PAK3: variants seen among roughly 807,000 people sequenced by gnomAD.
PAK3 encodes the protein p21 (RAC1) activated kinase 3.
PAK3 carries 4 observed loss-of-function variants against 41.0 expected under a neutral mutation model. That is an observed-to-expected ratio of 0.10 (90% CI 0.05 to 0.22). PAK3 has a LOEUF of 0.22. Among genes scored for constraint, PAK3 ranks in the 10% least tolerant of loss-of-function variants. The probability of loss-of-function intolerance (pLI) is 1.00; values close to 1 mark genes in which losing one functional copy is unlikely to be tolerated. For synonymous variants in PAK3, 146 were observed against 139.6 expected (o/e 1.05, Z -0.32); for missense variants, 205 against 409.9 (o/e 0.50, Z 4.32).
chrX:111,075,136 A>T (rs980083459), intron 1 of PAK3, among the ~76,000 whole-genome samples: 1 of 112,805 alleles, frequency 8.9e-6, no homozygotes, highest in Non-Finnish European at 1.9e-5. Flanking sequence ...TGTCACAAAG[A>T]AGGAAAAGGT....
chrX:110,949,477 C>T (rs909494745), intron 1 of PAK3, among the ~76,000 whole-genome samples: 1 of 111,761 alleles, frequency 8.9e-6, no homozygotes, highest in Non-Finnish European at 1.9e-5. Flanking sequence ...TACTGATGCA[C>T]TCCCCAGAGA....
intron 1 of PAK3, among the ~76,000 whole-genome samples, chrX:111,023,654 A>AT (rs2092226608): frequency 1.8e-5 from 2 of 111,982 alleles, no homozygotes; most frequent in African/African-American, 6.5e-5. Context: ...GATGATGAGC[A>AT]TTTTTTCATA....
intron 1 of PAK3, among the ~76,000 whole-genome samples, chrX:111,063,820 GAAAA>G (rs142033510): frequency 2.2e-5 from 2 of 89,165 alleles, no homozygotes; most frequent in Non-Finnish European, 4.4e-5. Flanking sequence ...AGACTGTCTC[GAAAA>G]AAAAAAAAAA....
chrX:111,082,489 T>C lies in PAK3; in HGVS notation c.-27-40588T>C, dbSNP rs193081663. Among the ~76,000 whole-genome samples the C allele has an allele frequency of 6.9e-3, 769 of 111,646 alleles. 3 individuals carry two copies. The highest frequency in any genetic ancestry group is 0.012 in the Non-Finnish European group (615 of 53,113). ...GCTTCATGTAGACACCAAGTGGGTC[T>C]TGGAAAGTTTCTCATTATAAAGAAG... On this transcript the variant is annotated intron_variant, in intron 1 of 14. Transcript: ENST00000425146.
chrX:110,997,436 T>C (rs1226206081), intron 1 of PAK3, among the ~76,000 whole-genome samples: 1 of 111,445 alleles, frequency 9.0e-6, no homozygotes, highest in African/African-American at 3.3e-5. Context: ...AGAAGGATGA[T>C]AGAAATGGCA....
intron 1 of PAK3, among the ~76,000 whole-genome samples, chrX:111,043,008 G>A: frequency 8.9e-6 from 1 of 111,816 alleles, no homozygotes; most frequent in Non-Finnish European, 1.9e-5. Context: ...AAAGCTGAAG[G>A]CCAGGGGTGG....
At chrX:111,209,564 T>G (rs1044678776) in intron 16 of PAK3, among the ~76,000 whole-genome samples, 3 of 111,970 alleles carry the variant, frequency 2.7e-5, no homozygotes, top group South Asian at 3.7e-4. Context: ...ATCATATGAT[T>G]TCCATGGTAA....
At chrX:111,018,697 T>C (rs906339379) in intron 1 of PAK3, among the ~76,000 whole-genome samples, 2 of 111,776 alleles carry the variant, frequency 1.8e-5, no homozygotes, top group African/African-American at 6.5e-5. Context: ...AGTGCAATCC[T>C]TATCAAAACC....
At chrX:111,043,186 C>T (rs962442957) in intron 1 of PAK3, among the ~76,000 whole-genome samples, 1 of 109,556 alleles carries the variant, frequency 9.1e-6, no homozygotes, top group Non-Finnish European at 1.9e-5. Flanking sequence ...CCAAGCCATT[C>T]AGGCAGCTGA....
chrX:111,080,706 T>C (rs1387952734), intron 1 of PAK3, among the ~76,000 whole-genome samples: 1 of 111,706 alleles, frequency 9.0e-6, no homozygotes, highest in Non-Finnish European at 1.9e-5. Flanking sequence ...ATAGAACCAC[T>C]ATATGATCCA....
At chrX:111,180,170 A>G (rs972034830) in intron 11 of PAK3, among the ~76,000 whole-genome samples, 1 of 111,797 alleles carries the variant, frequency 8.9e-6, no homozygotes, top group Non-Finnish European at 1.9e-5. Flanking sequence ...AATTTTATTA[A>G]GTATCTTTAT....
At chrX:111,117,953 G>T (rs1187836189) in intron 4 of PAK3, among the ~76,000 whole-genome samples, 2 of 111,094 alleles carry the variant, frequency 1.8e-5, no homozygotes, top group Non-Finnish European at 3.8e-5. Flanking sequence ...ACCTAGTTTG[G>T]GAATGGTAGT....
chrX:111,188,344 T>G (rs1462739905), intron 11 of PAK3, among the ~76,000 whole-genome samples: 1 of 110,075 alleles, frequency 9.1e-6, no homozygotes, highest in Non-Finnish European at 1.9e-5. Context: ...ACAGAGGTGT[T>G]GAATAACAGA....
chrX:111,054,117 G>A (rs2092584100), intron 1 of PAK3, among the ~76,000 whole-genome samples: 1 of 111,923 alleles, frequency 8.9e-6, no homozygotes, highest in Non-Finnish European at 1.9e-5. Flanking sequence ...TCTGCATGTT[G>A]TGTCCATCCC....
chrX:110,959,213 A>G (rs1042266438), intron 1 of PAK3, among the ~76,000 whole-genome samples: 6 of 111,750 alleles, frequency 5.4e-5, no homozygotes, highest in African/African-American at 2.0e-4. Context: ...TTGTTTAGGC[A>G]GTTAGTTTTA....
chrX:111,182,044 TC>T (rs1163839633), intron 11 of PAK3, among the ~76,000 whole-genome samples: 1 of 111,810 alleles, frequency 8.9e-6, no homozygotes, highest in Admixed American at 9.5e-5. Context: ...TTGTGTGCTG[TC>T]CCTTGTAAAG....
At chrX:110,962,134 A>G (rs1180400948) in intron 1 of PAK3, among the ~76,000 whole-genome samples, 2 of 111,506 alleles carry the variant, frequency 1.8e-5, no homozygotes, top group Non-Finnish European at 3.8e-5. Context: ...TATTACCCCC[A>G]CTATGGATTT....
At chrX:111,095,043 T>C (rs1403439213), upstream of PAK3, among the ~76,000 whole-genome samples, 1 of 111,395 alleles carries the variant, frequency 9.0e-6, no homozygotes, top group East Asian at 2.8e-4. Context: ...GATATATTAG[T>C]TCACTCTTGT....
chrX:110,974,132 A>G lies in PAK3; in HGVS notation c.-28+29504A>G, dbSNP rs1051838719. On this transcript the variant is annotated intron_variant, in intron 1 of 14. Transcript: ENST00000425146. ...TAATAATGGGAGACTTTAACACCCC[A>G]CTGTCAATATTAGACAGATCAATGA... Among the ~76,000 whole-genome samples the G allele has an allele frequency of 2.7e-5, 3 of 111,404 alleles. No individual in the cohort carries two copies. The East Asian group carries it at 8.5e-4, about 31-fold the overall frequency.
Sources: allele counts gnomAD v4.1 joint callset (sites outside exome capture counted in the v4.1 genomes callset), GRCh38; gene constraint gnomAD v4.1.1; transcripts MANE v1.5; gene names NCBI Gene and HGNC (gene_info 2026-07-23, HGNC 2026-07-21).